EXT2: variants seen among roughly 807,000 people sequenced by gnomAD.
The protein encoded by EXT2 is exostosin-2.
Under a neutral mutation model 81.6 loss-of-function variants are expected in EXT2, and 53 were observed. That is an observed-to-expected ratio of 0.65 (90% CI 0.52 to 0.82). The LOEUF (loss-of-function observed/expected upper bound fraction) is 0.82. Among genes scored for constraint, EXT2 ranks in the 40% least tolerant of loss-of-function variants. EXT2 has a pLI of 0.00. For synonymous variants in EXT2, 320 were observed against 340.0 expected (o/e 0.94, Z 0.65); for missense variants, 774 against 910.2 (o/e 0.85, Z 1.93).
intron 13 of EXT2, among the ~76,000 whole-genome samples, chr11:44,241,802 G>A (rs1164066899): frequency 2.0e-5 from 3 of 152,340 alleles, no homozygotes; most frequent in African/African-American, 7.2e-5. Flanking sequence ...CCGGCAACCA[G>A]CCAAAGTCCT....
At chr11:44,148,159 A>G (rs1954745655) in intron 7 of EXT2, among the ~76,000 whole-genome samples, 1 of 152,170 alleles carries the variant, frequency 6.6e-6, no homozygotes, top group Non-Finnish European at 1.5e-5. Context: ...ACTGTGTTAC[A>G]ATAAAAGAAA....
At chr11:44,214,760 T>C (rs976666710) in intron 10 of EXT2, among the ~76,000 whole-genome samples, 43 of 152,026 alleles carry the variant, frequency 2.8e-4, no homozygotes, top group African/African-American at 1.0e-3. Flanking sequence ...ACTTTTTTTT[T>C]TTTTTTAAAG....
At chr11:44,125,704 G>A (rs1954391754) in intron 5 of EXT2, among the ~76,000 whole-genome samples, 1 of 151,474 alleles carries the variant, frequency 6.6e-6, no homozygotes, top group Admixed American at 6.6e-5. Context: ...AATCTCCAGA[G>A]AGCTTGCCCA....
intron 3 of EXT2, among the ~76,000 whole-genome samples, chr11:44,112,224 A>T (rs1273744432): frequency 6.6e-6 from 1 of 152,146 alleles, no homozygotes; most frequent in Non-Finnish European, 1.5e-5. Flanking sequence ...TGGGTTAGGG[A>T]GGGTGGAGAA....
chr11:44,196,144 T>C (rs966378439), intron 8 of EXT2, among the ~76,000 whole-genome samples: 2 of 152,228 alleles, frequency 1.3e-5, no homozygotes. Context: ...CATCACTTTT[T>C]AAACTTTATT....
chr11:44,135,365 G>C, intron 7 of EXT2, among the ~76,000 whole-genome samples: 1 of 151,470 alleles, frequency 6.6e-6, no homozygotes. Context: ...CTGCTAATCT[G>C]GTATGAATAA....
In EXT2 at chr11:44,236,332, G is replaced by A. The variant is rs1955964630; in HGVS notation, c.1975G>A (p.Ala659Thr). The change falls in exon 13 of 14, where the codon GCC (alanine) becomes ACC (threonine). Residue 659 changes from alanine (A) to threonine (T), a missense_variant. Physicochemically the swap from Ala to Thr is moderately conservative, Grantham distance 58 (BLOSUM62 0). Coordinates refer to ENST00000533608, the MANE Select transcript of EXT2 (RefSeq NM_207122.2). Reference sequence around the variant, plus strand: ...GAAATTCAAGTGTCCTGAGTGCACAGCCATAGATGGGCTTTCACTAGACCA... The same window carrying A: ...GAAATTCAAGTGTCCTGAGTGCACAACCATAGATGGGCTTTCACTAGACCA... ...RKKFKCPECT[A>T]IDGLSLDQTH... The A allele has an allele frequency of 6.2e-7, 1 of 1,614,002 alleles. No homozygotes were observed. The highest frequency in any genetic ancestry group is 1.3e-5 in the African/African-American group (1 of 74,936).
chr11:44,121,674 T>C (rs1954319134), intron 4 of EXT2, among the ~76,000 whole-genome samples: 1 of 148,748 alleles, frequency 6.7e-6, no homozygotes, highest in African/African-American at 2.5e-5. Context: ...CCAGCACAGA[T>C]GCCTTTCTCA....
At chr11:44,225,518 A>G (rs1161772571) in intron 10 of EXT2, among the ~76,000 whole-genome samples, 1 of 152,140 alleles carries the variant, frequency 6.6e-6, no homozygotes, top group African/African-American at 2.4e-5. Context: ...TCTATTCTGA[A>G]TCTGGTCATT....
At chr11:44,180,581 G>A (rs1274056069) in intron 8 of EXT2, among the ~76,000 whole-genome samples, 1 of 152,134 alleles carries the variant, frequency 6.6e-6, no homozygotes, top group Non-Finnish European at 1.5e-5. Context: ...CATCTCTCCT[G>A]TAGCCCCTCT....
Position 44,234,250 on chromosome 11 carries a change from G to A in EXT2, c.1935+7G>A. The A allele has an allele frequency of 1.2e-6, 2 of 1,613,538 alleles. No individual in the cohort carries two copies. Among genetic ancestry groups the A allele is most frequent in the Non-Finnish European group, 1.7e-6 (2 of 1,179,692 alleles). On this transcript the variant is annotated splice_region_variant and intron_variant, in intron 12 of 13. Coordinates refer to ENST00000533608, the MANE Select transcript of EXT2 (RefSeq NM_207122.2). ...GGGAAAAGCAGTTATCAAGGTAGGA[G>A]GCTCTGCCACTCACTTGCTTTGTGA...
chr11:44,218,470 A>G (rs192252220), intron 10 of EXT2, among the ~76,000 whole-genome samples: 2 of 152,338 alleles, frequency 1.3e-5, no homozygotes, highest in Admixed American at 1.3e-4. Context: ...TGTGACAGGC[A>G]GAAAAGAGGT....
At chr11:44,234,024 T>C (rs1015672318) in intron 11 of EXT2, 91 bp from the exon 12 acceptor site, 119 of 1,569,418 alleles carry the variant, frequency 7.6e-5, no homozygotes, top group Non-Finnish European at 1.7e-5. Context: ...AGAGAAAGCT[T>C]GTCCCCATGC....
chr11:44,171,706 C>T lies in EXT2; in HGVS notation c.1269C>T (p.Ala423=). 2 of 1,614,088 alleles carry T rather than the reference C, an allele frequency of 1.2e-6. No individual in the cohort carries two copies. The highest frequency in any genetic ancestry group is 8.5e-7 in the Non-Finnish European group (1 of 1,179,952). ...IINDRIYPYA[A]ISYEEWNDPP... Reference sequence around the variant, plus strand: ...ATGACCGGATCTATCCATATGCTGCCATCTCCTATGAAGAATGGAATGACC... The same window carrying T: ...ATGACCGGATCTATCCATATGCTGCTATCTCCTATGAAGAATGGAATGACC... Residue 423 remains alanine (A), a synonymous_variant, in exon 8 of 14, where the codon GCC becomes GCT. Coordinates refer to ENST00000533608, the MANE Select transcript of EXT2 (RefSeq NM_207122.2).
intron 8 of EXT2, among the ~76,000 whole-genome samples, chr11:44,183,647 T>C (rs1284535476): frequency 6.6e-6 from 1 of 152,144 alleles, no homozygotes; most frequent in Non-Finnish European, 1.5e-5. Flanking sequence ...TCCACATTTT[T>C]CTCTCTCTGT....
Position 44,244,338 on chromosome 11 carries a change from A to G in EXT2, c.*51A>G. On this transcript the variant is annotated 3_prime_UTR_variant, in exon 14 of 14. Transcript: ENST00000533608. ...TGTGAGGCTGGGACAGAGGGAGAGAACAAGGCCTCCCAGCACTCTGATGTC... is the reference window on the plus strand; with the variant it reads ...TGTGAGGCTGGGACAGAGGGAGAGAGCAAGGCCTCCCAGCACTCTGATGTC... 3.7e-6 allele frequency: 6 copies of G among 1,601,764 alleles called. No individual in the cohort carries two copies. Among genetic ancestry groups the G allele is most frequent in the Non-Finnish European group, 5.1e-6 (6 of 1,168,986 alleles).
At chr11:44,165,341 AG>A (rs1434623881) in intron 7 of EXT2, among the ~76,000 whole-genome samples, 1 of 152,230 alleles carries the variant, frequency 6.6e-6, no homozygotes, top group Non-Finnish European at 1.5e-5. Flanking sequence ...GGCTATACTA[AG>A]CCCTGGAGGG....
chr11:44,148,742 T>C (rs766891765), intron 7 of EXT2, among the ~76,000 whole-genome samples: 1 of 152,192 alleles, frequency 6.6e-6, no homozygotes, highest in Non-Finnish European at 1.5e-5. Flanking sequence ...ATGCCACAGT[T>C]AACAGACACA....
rs1955555494 is a variant in EXT2 at position 44,204,280 on chromosome 11, G to A, written c.1496-2513G>A. ...GTTCTCCAGAATCTACAGGTCATGAGTGACATCATTTCCCACAGCTAATGG... is the reference window on the plus strand; with the variant it reads ...GTTCTCCAGAATCTACAGGTCATGAATGACATCATTTCCCACAGCTAATGG... On this transcript the variant is annotated intron_variant, in intron 9 of 13. Coordinates refer to ENST00000533608, the MANE Select transcript of EXT2 (RefSeq NM_207122.2). Among the ~76,000 whole-genome samples, 4 of 152,142 alleles carry A rather than the reference G, an allele frequency of 2.6e-5. No individual in the cohort carries two copies. The South Asian group carries it at 8.3e-4, about 32-fold the overall frequency.
Sources: allele counts gnomAD v4.1 joint callset (sites outside exome capture counted in the v4.1 genomes callset), GRCh38; gene constraint gnomAD v4.1.1; transcripts MANE v1.5; gene names NCBI Gene and HGNC (gene_info 2026-07-23, HGNC 2026-07-21).